Variants in HPSE2 observed in about 807,000 individuals in gnomAD.
HPSE2 encodes the protein inactive heparanase-2.
Under a neutral mutation model 60.5 loss-of-function variants are expected in HPSE2, and 38 were observed. That is an observed-to-expected ratio of 0.63 (90% confidence interval 0.48 to 0.82). HPSE2 has a LOEUF of 0.82. Among genes scored for constraint, HPSE2 ranks in the 40% least tolerant of loss-of-function variants. The pLI is 0.00. For synonymous variants in HPSE2, 295 were observed against 293.2 expected, an observed-to-expected ratio of 1.01 and a Z score of -0.06; for missense variants, 713 against 740.4, an observed-to-expected ratio of 0.96 and a Z score of 0.43.
chr10:98,631,919 C>T (rs1010835931), intron 7 of HPSE2, among the ~76,000 whole-genome samples: 1 of 152,154 alleles, frequency 6.6e-6, no homozygotes, highest in Admixed American at 6.5e-5. Context: ...CCCTCACTTC[C>T]AGGACACCCA....
chr10:98,648,660 C>G (rs1033690436), intron 6 of HPSE2, among the ~76,000 whole-genome samples: 6 of 151,776 alleles, frequency 4.0e-5, no homozygotes, highest in African/African-American at 1.5e-4. Flanking sequence ...ACAGGAGGAT[C>G]ACTTGAGCCA....
chr10:99,081,581 A>T (rs1843138423), intron 3 of HPSE2, among the ~76,000 whole-genome samples: 1 of 147,306 alleles, frequency 6.8e-6, no homozygotes, highest in Middle Eastern at 3.2e-3. Context: ...CTACTACTAA[A>T]GATGATGATG....
At position 99,186,104 on chromosome 10, in the gene HPSE2, CCACACACACACACACACA is replaced by C. The variant is rs527839752; in HGVS notation, c.449-41723_449-41706del. Reference sequence around the variant, plus strand: ...TGATAACACTAAGCAGGATAAATAACCACACACACACACACACACACACACACACACACACACACACAC... The same window carrying C: ...TGATAACACTAAGCAGGATAAATAACCACACACACACACACACACACACAC... On this transcript the variant is annotated intron_variant, in intron 2 of 11. Transcript: ENST00000370552. 4.9e-3 allele frequency among the ~76,000 whole-genome samples: 393 copies of C among 80,752 alleles called. 4 individuals carry two copies. The highest frequency in any genetic ancestry group is 0.012 in the African/African-American group (365 of 29,286). The allele number at this position is 80,752 out of a possible 152,430, so 53.0% of individuals were successfully genotyped here.
At chr10:99,051,231 C>T (rs923989430) in intron 3 of HPSE2, among the ~76,000 whole-genome samples, 2 of 151,988 alleles carry the variant, frequency 1.3e-5, no homozygotes, top group Admixed American at 1.3e-4. Context: ...TGCAGTGAGC[C>T]GAGATCGCGC....
chr10:98,845,000 A>G (rs1033312169), intron 3 of HPSE2, among the ~76,000 whole-genome samples: 9 of 152,216 alleles, frequency 5.9e-5, no homozygotes, highest in Admixed American at 2.0e-4. Context: ...AAATGCCATT[A>G]AGATGTTAAT....
chr10:99,231,031 C>A (rs545944832), intron 2 of HPSE2, among the ~76,000 whole-genome samples: 1 of 152,238 alleles, frequency 6.6e-6, no homozygotes, highest in South Asian at 2.1e-4. Context: ...TGACTTTTAT[C>A]TTTGAAAAGA....
chr10:98,966,324 A>C (rs904556123), intron 3 of HPSE2, among the ~76,000 whole-genome samples: 2 of 152,182 alleles, frequency 1.3e-5, no homozygotes, highest in Non-Finnish European at 1.5e-5. Flanking sequence ...GGTCAGAAAA[A>C]TAGTTTTGCA....
At chr10:98,500,417 G>T (rs1941992081) in intron 9 of HPSE2, among the ~76,000 whole-genome samples, 2 of 152,206 alleles carry the variant, frequency 1.3e-5, no homozygotes, top group South Asian at 4.1e-4. Context: ...ACCTGCTCCT[G>T]AATGAGCATT....
At chr10:98,904,188 A>AT (rs1953745450) in intron 3 of HPSE2, among the ~76,000 whole-genome samples, 1 of 152,188 alleles carries the variant, frequency 6.6e-6, no homozygotes, top group South Asian at 2.1e-4. Flanking sequence ...AGAGTTAGTA[A>AT]TGTGCTTTAA....
intron 6 of HPSE2, among the ~76,000 whole-genome samples, chr10:98,682,674 GC>G (rs1456981469): frequency 3.9e-5 from 6 of 152,260 alleles, no homozygotes; most frequent in Admixed American, 3.3e-4. Context: ...TCTACTGAAT[GC>G]ATATCACTTT....
chr10:98,858,150 A>G (rs1952363306), intron 3 of HPSE2, among the ~76,000 whole-genome samples: 1 of 152,194 alleles, frequency 6.6e-6, no homozygotes, highest in South Asian at 2.1e-4. Context: ...ATGCTACAAC[A>G]ATGCTTGTTG....
In HPSE2 at chr10:98,938,679, G is replaced by A. The variant is rs1433258194; in HGVS notation, c.611-194623C>T. The stretch of plus-strand genomic sequence containing the variant: ...ACCCTCTGCAGGATATTGTCCAGGA[G>A]AACTTCCCCAATCTAGCAAGGCACG... On this transcript the variant is annotated intron_variant, in intron 3 of 11. Transcript: ENST00000370552. 3.5e-5 allele frequency among the ~76,000 whole-genome samples: 5 copies of A among 140,998 alleles called. No individual in the cohort carries two copies. In the East Asian group the frequency reaches 1.0e-3, roughly 28 times the overall value. The allele number at this position is 140,998 out of a possible 152,430, so 92.5% of individuals were successfully genotyped here.
In HPSE2 at chr10:98,614,899, C is replaced by T; in HGVS notation, c.1320+5G>A. The T allele has an allele frequency of 3.8e-6, 6 of 1,577,860 alleles. No homozygotes were observed. The highest frequency in any genetic ancestry group is 5.2e-6 in the Non-Finnish European group (6 of 1,146,902). On this transcript the variant is annotated splice_donor_5th_base_variant and intron_variant, in intron 9 of 11. Coordinates refer to ENST00000370552, the MANE Select transcript of HPSE2 (RefSeq NM_021828.5). ...AGGGATTGGGAATCTTTATCCCACA[C>T]TTACTGGTAATGGGTTAAAATTCTG...
chr10:98,491,211 T>A (rs865917694), intron 9 of HPSE2, among the ~76,000 whole-genome samples: 1,514 of 134,704 alleles, frequency 0.011, 29 homozygotes, highest in African/African-American at 0.035. Flanking sequence ...TGATAATCTT[T>A]TTTTTTTTTC....
chr10:99,259,022 A>G, the HPSE2 span, among the ~76,000 whole-genome samples: 1 of 152,200 alleles, frequency 6.6e-6, no homozygotes, highest in African/African-American at 2.4e-5. Flanking sequence ...ACTTTGTGAA[A>G]AATAAAACAT....
At chr10:98,948,118 G>A (rs1198536466) in intron 3 of HPSE2, among the ~76,000 whole-genome samples, 3 of 152,158 alleles carry the variant, frequency 2.0e-5, no homozygotes, top group Non-Finnish European at 2.9e-5. Flanking sequence ...CATCATGAAA[G>A]TCTGGAAGGA....
At chr10:99,219,557 T>G (rs1849241960) in intron 2 of HPSE2, among the ~76,000 whole-genome samples, 1 of 152,122 alleles carries the variant, frequency 6.6e-6, no homozygotes, top group Admixed American at 6.5e-5. Context: ...AGTGGAGGGA[T>G]TACTTTTAGC....
intron 3 of HPSE2, among the ~76,000 whole-genome samples, chr10:99,018,019 T>C (rs151001506): frequency 6.6e-6 from 1 of 152,298 alleles, no homozygotes; most frequent in East Asian, 1.9e-4. Context: ...ATGTACCTAC[T>C]TAAGAGCTTC....
intron 3 of HPSE2, among the ~76,000 whole-genome samples, chr10:99,009,009 A>G (rs1956949862): frequency 6.6e-6 from 1 of 152,128 alleles, no homozygotes; most frequent in Non-Finnish European, 1.5e-5. Context: ...GTTTGAACCA[A>G]AAACTTTGCA....
Sources: allele counts gnomAD v4.1 joint callset (sites outside exome capture counted in the v4.1 genomes callset), GRCh38; gene constraint gnomAD v4.1.1; transcripts MANE v1.5; gene names NCBI Gene and HGNC (gene_info 2026-07-23, HGNC 2026-07-21).